OLFML2B: variants seen among roughly 807,000 people sequenced by gnomAD.
The protein encoded by OLFML2B is olfactomedin-like protein 2B.
OLFML2B carries 57 observed loss-of-function variants against 74.9 expected under a neutral mutation model. The ratio of observed to expected loss-of-function variants is 0.76; its 90% CI spans 0.61 to 0.95. The LOEUF (loss-of-function observed/expected upper bound fraction) is 0.95, where lower values mean the gene tolerates loss of function less well. Among genes scored for constraint, OLFML2B ranks in the 40% least tolerant of loss-of-function variants. The pLI is 0.00. For missense variants in OLFML2B, 986 were observed against 970.6 expected, an observed-to-expected ratio of 1.02 and a Z score of -0.21; for synonymous variants, 388 against 405.8, an observed-to-expected ratio of 0.96 and a Z score of 0.53.
At chr1:161,997,163 GA>G (rs200700139) in intron 6 of OLFML2B, among the ~76,000 whole-genome samples, 2 of 150,760 alleles carry the variant, frequency 1.3e-5, no homozygotes, top group Non-Finnish European at 3.0e-5. Context: ...TCTCAAAAAA[GA>G]AAAAAAAAGA....
intron 6 of OLFML2B, among the ~76,000 whole-genome samples, chr1:161,985,502 C>T (rs1689569016): frequency 6.6e-6 from 1 of 152,232 alleles, no homozygotes; most frequent in South Asian, 2.1e-4. Flanking sequence ...AACACGGTGT[C>T]TGGCTTGCTG....
At position 161,984,023 on chromosome 1, in the gene OLFML2B, G is replaced by T. The variant is rs753939068; in HGVS notation, c.1905C>A (p.Ala635=). 1.2e-6 allele frequency: 2 copies of T among 1,614,168 alleles called. No homozygotes were observed. Among genetic ancestry groups the T allele is most frequent in the East Asian group, 4.5e-5 (2 of 44,866 alleles). Residue 635 remains alanine (A), a synonymous_variant, in exon 8 of 8, where the codon GCC becomes GCA. Coordinates refer to ENST00000294794, the MANE Select transcript of OLFML2B (RefSeq NM_015441.3). ...DENGLWLIYP[A]LDDEGFSQEV... is the part of the protein sequence containing the mutation. ...CCTGGCTGAAGCCCTCATCGTCCAG[G>T]GCCGGGTAGATGAGCCATAGGCCAT...
intron 6 of OLFML2B, among the ~76,000 whole-genome samples, chr1:161,989,372 G>A (rs1689674435): frequency 6.6e-6 from 1 of 152,204 alleles, no homozygotes; most frequent in Non-Finnish European, 1.5e-5. Flanking sequence ...CTGAGTGTGA[G>A]ACAAAAGGTG....
intron 3 of OLFML2B, among the ~76,000 whole-genome samples, chr1:162,010,323 C>T (rs1690344576): frequency 6.6e-6 from 1 of 152,162 alleles, no homozygotes; most frequent in Admixed American, 6.5e-5. Flanking sequence ...CTGATGGGAA[C>T]AGGTGTCCAC....
Position 161,998,102 on chromosome 1 carries a change from C to T in OLFML2B, c.1197G>A (p.Ser399=), listed in dbSNP as rs749754900. The T allele has an allele frequency of 2.2e-5, 35 of 1,613,800 alleles. No individual in the cohort carries two copies. The highest frequency in any genetic ancestry group is 3.3e-5 in the South Asian group (3 of 91,072). ...ACTCCCTTGTGGGATCTGGAGACAC[C>T]GAGGTTGTTTGGAGTGTTGGTCCCA... ...ASVGPTLQTT[S]VSPDPTRESV... is the part of the protein sequence containing the mutation. The change falls in exon 6 of 8, where the codon TCG becomes TCA. Residue 399 remains serine (S), a synonymous_variant. Transcript: ENST00000294794.
chr1:161,994,344 T>C (rs1689826406), intron 6 of OLFML2B, among the ~76,000 whole-genome samples: 1 of 152,270 alleles, frequency 6.6e-6, no homozygotes, highest in Non-Finnish European at 1.5e-5. Flanking sequence ...TCGGCACAGC[T>C]GGCCAAGCCT....
chr1:162,019,183 A>G (rs755326604), intron 2 of OLFML2B, among the ~76,000 whole-genome samples: 1 of 152,232 alleles, frequency 6.6e-6, no homozygotes, highest in Non-Finnish European at 1.5e-5. Context: ...GCCTAGCTGA[A>G]TGTCTGGTAT....
chr1:161,984,024 G>A lies in OLFML2B; in HGVS notation c.1904C>T (p.Ala635Val), dbSNP rs150749230. The change falls in exon 8 of 8, where the codon GCC (alanine) becomes GTC (valine). Residue 635 changes from alanine to valine, a missense_variant. Coordinates refer to ENST00000294794, the MANE Select transcript of OLFML2B (RefSeq NM_015441.3). ...DENGLWLIYP[A>V]LDDEGFSQEV... is the part of the protein sequence containing the mutation. ...CTGGCTGAAGCCCTCATCGTCCAGG[G>A]CCGGGTAGATGAGCCATAGGCCATT... The A allele has an allele frequency of 9.3e-6, 15 of 1,614,060 alleles. No individual in the cohort carries two copies. Among genetic ancestry groups the A allele is most frequent in the African/African-American group, 1.3e-5 (1 of 74,910 alleles).
In OLFML2B at chr1:162,017,470, TAGA is replaced by T; in HGVS notation, c.473_475del (p.Phe158del). 1 of 1,613,348 alleles carries T rather than the reference TAGA, an allele frequency of 6.2e-7. No individual in the cohort carries two copies. ...ATGTAGCTTCAGGAGATCCAGGCCA[TAGA>T]ACGCTCCTTCCAACATGTCTATGAT... On this transcript the variant is annotated inframe_deletion, in exon 3 of 8. Coordinates refer to ENST00000294794, the MANE Select transcript of OLFML2B (RefSeq NM_015441.3).
Position 162,023,396 on chromosome 1 carries a change from G to T in OLFML2B, c.35C>A (p.Ala12Asp). The change falls in exon 1 of 8, where the codon GCT becomes GAT. Residue 12 changes from alanine (A) to aspartate (D), a missense_variant. Coordinates refer to ENST00000294794, the MANE Select transcript of OLFML2B (RefSeq NM_015441.3). ...AKPRLLVLYF[A>D]LIVVPAWVSS... The stretch of plus-strand genomic sequence containing the variant: ...CACCCAGGCCGGAACCACAATCAGA[G>T]CGAAGTAGAGAACTAGCAGCCGAGG... 1 of 1,591,718 alleles carries T rather than the reference G, an allele frequency of 6.3e-7. No individual in the cohort carries two copies. The highest frequency in any genetic ancestry group is 8.6e-7 in the Non-Finnish European group (1 of 1,166,838).
intron 1 of OLFML2B, among the ~76,000 whole-genome samples, chr1:162,022,899 T>C (rs74894920): frequency 0.011 from 1,688 of 152,302 alleles, 15 homozygotes; most frequent in Middle Eastern, 0.027. Context: ...CTGGTCAACA[T>C]ATCCGGCTGT....
intron 6 of OLFML2B, among the ~76,000 whole-genome samples, chr1:161,994,356 G>A (rs1175149522): frequency 6.6e-6 from 1 of 152,266 alleles, no homozygotes; most frequent in African/African-American, 2.4e-5. Context: ...GCCAAGCCTC[G>A]GGGTGGTTAC....
At position 161,997,800 on chromosome 1, in the gene OLFML2B, CCAAGGCCAGGTA is replaced by C; in HGVS notation, c.1474+13_1474+24del. ...CCTTTTACCTGAGCTGATCAGGAGA[CCAAGGCCAGGTA>C]CAATGAACTTACCTATGACATTCCG... On this transcript the variant is annotated intron_variant, in intron 6 of 7. Coordinates refer to ENST00000294794, the MANE Select transcript of OLFML2B (RefSeq NM_015441.3). The C allele has an allele frequency of 7.6e-6, 12 of 1,588,210 alleles. No homozygotes were observed. Among genetic ancestry groups the C allele is most frequent in the Non-Finnish European group, 9.5e-6 (11 of 1,163,398 alleles).
intron 6 of OLFML2B, chr1:161,985,250 C>T: frequency 2.9e-6 from 1 of 346,928 alleles, no homozygotes; most frequent in Non-Finnish European, 5.2e-6. Flanking sequence ...CAGTCCTATC[C>T]TTCAAAGACC....
chr1:161,988,115 T>C (rs570003822), intron 6 of OLFML2B, among the ~76,000 whole-genome samples: 1 of 152,302 alleles, frequency 6.6e-6, no homozygotes, highest in South Asian at 2.1e-4. Context: ...GAGTGCAGTC[T>C]GCATCTCATC....
intron 6 of OLFML2B, among the ~76,000 whole-genome samples, chr1:161,986,371 G>A (rs1689593394): frequency 6.6e-6 from 1 of 152,208 alleles, no homozygotes; most frequent in African/African-American, 2.4e-5. Flanking sequence ...TCCAAGCCCT[G>A]CAGCTGACAG....
At chr1:162,022,194 G>A (rs1690721139) in intron 1 of OLFML2B, among the ~76,000 whole-genome samples, 1 of 150,296 alleles carries the variant, frequency 6.7e-6, no homozygotes, top group South Asian at 2.1e-4. Flanking sequence ...ACAGACATGA[G>A]ATCTGGGCTG....
intron 4 of OLFML2B, among the ~76,000 whole-genome samples, chr1:162,004,227 A>G (rs923904075): frequency 1.3e-5 from 2 of 152,142 alleles, no homozygotes; most frequent in Non-Finnish European, 2.9e-5. Flanking sequence ...CCCAGGTGTA[A>G]TGAGTGGGAG....
At chr1:161,997,647 T>A (rs1022275501) in intron 6 of OLFML2B, among the ~76,000 whole-genome samples, 178 bp downstream of exon 6, 2 of 152,216 alleles carry the variant, frequency 1.3e-5, no homozygotes, top group Non-Finnish European at 2.9e-5. Flanking sequence ...CACTGGCACA[T>A]TTTCAATAAA....
Sources: gnomAD v4.1 joint callset for allele counts (sites outside exome capture counted in the v4.1 genomes callset) on GRCh38, gnomAD v4.1.1 for gene constraint, MANE v1.5 for transcripts, NCBI Gene and HGNC (gene_info 2026-07-23, HGNC 2026-07-21) for gene names.